The following LDLRAD4 variants were observed in gnomAD, a reference collection of about 807,000 sequenced individuals.
LDLRAD4 encodes low density lipoprotein receptor class A domain containing 4, also known as low-density lipoprotein receptor class A domain-containing protein 4.
A neutral mutation model predicts 17.0 loss-of-function variants in LDLRAD4; 5 were observed. The observed-to-expected ratio is 0.29, with a 90% CI of 0.15 to 0.62. The LOEUF (loss-of-function observed/expected upper bound fraction) is 0.62, where lower values mean the gene tolerates loss of function less well. Among genes scored for constraint, LDLRAD4 ranks in the 20% least tolerant of loss-of-function variants. The probability of loss-of-function intolerance (pLI) is 0.84; values close to 1 mark genes in which losing one functional copy is unlikely to be tolerated. For synonymous variants in LDLRAD4, 168 were observed against 171.8 expected (o/e 0.98, Z 0.17); for missense variants, 340 against 424.7 (o/e 0.80, Z 1.75).
chr18:13,439,669 G>A (rs28718549), intron 3 of LDLRAD4, among the ~76,000 whole-genome samples: 4 of 152,156 alleles, frequency 2.6e-5, no homozygotes, highest in Non-Finnish European at 4.4e-5. Flanking sequence ...AGGATGGCCC[G>A]GAGGCACTTG....
intron 3 of LDLRAD4, among the ~76,000 whole-genome samples, chr18:13,442,463 T>C (rs2091086755): frequency 6.6e-6 from 1 of 152,118 alleles, no homozygotes; most frequent in Non-Finnish European, 1.5e-5. Context: ...AGGTTGGCAA[T>C]GAGGGTGGCG....
At chr18:13,498,224 CCTT>C (rs1274669116) in intron 3 of LDLRAD4, among the ~76,000 whole-genome samples, 1 of 150,838 alleles carries the variant, frequency 6.6e-6, no homozygotes, top group African/African-American at 2.4e-5. Flanking sequence ...ACTGGAGAAT[CCTT>C]CTCCACACAC....
chr18:13,386,432 G>A (rs1035400344), intron 1 of LDLRAD4, among the ~76,000 whole-genome samples: 1 of 151,560 alleles, frequency 6.6e-6, no homozygotes, highest in African/African-American at 2.4e-5. Context: ...GCAATGGCGC[G>A]ATCTTGGCTC....
intron 3 of LDLRAD4, among the ~76,000 whole-genome samples, chr18:13,508,669 A>G (rs1285485216): frequency 6.6e-6 from 1 of 152,206 alleles, no homozygotes; most frequent in Non-Finnish European, 1.5e-5. Context: ...TTTTTAGCCC[A>G]CTGTTGAGAC....
At chr18:13,462,709 G>T (rs1055946101) in intron 3 of LDLRAD4, among the ~76,000 whole-genome samples, 1 of 152,206 alleles carries the variant, frequency 6.6e-6, no homozygotes, top group Non-Finnish European at 1.5e-5. Context: ...AGTCCAGGAG[G>T]CCAGTGTGGG....
intron 3 of LDLRAD4, among the ~76,000 whole-genome samples, chr18:13,579,147 A>G (rs6505830): frequency 0.82 from 124,294 of 151,804 alleles, 51,072 homozygotes; most frequent in African/African-American, 0.89. Context: ...CCGAGATCGC[A>G]CCACTGTACT....
At chr18:13,325,277 A>T (rs946694334) in intron 1 of LDLRAD4, among the ~76,000 whole-genome samples, 2 of 152,210 alleles carry the variant, frequency 1.3e-5, no homozygotes, top group Admixed American at 1.3e-4. Flanking sequence ...TTTTGAAGTG[A>T]CACTTGCAGT....
chr18:13,295,139 C>T (rs2046201939), intron 1 of LDLRAD4, among the ~76,000 whole-genome samples: 1 of 152,188 alleles, frequency 6.6e-6, no homozygotes, highest in Admixed American at 6.5e-5. Context: ...GCAAATATGG[C>T]AGCAGTAGGG....
At chr18:13,594,297 T>TGGGTTCAACTGTGGGTTCAAC (rs1568383021) in intron 3 of LDLRAD4, among the ~76,000 whole-genome samples, 1 of 152,134 alleles carries the variant, frequency 6.6e-6, no homozygotes. Context: ...TCTGCCACTG[T>TGGGTTCAACTGTGGGTTCAAC]AGGGATTCCA....
At chr18:13,466,774 A>G (rs2092631677) in intron 3 of LDLRAD4, among the ~76,000 whole-genome samples, 1 of 152,164 alleles carries the variant, frequency 6.6e-6, no homozygotes, top group Admixed American at 6.5e-5. Flanking sequence ...GCACCACCAG[A>G]TTCTGTGTCT....
chr18:13,644,833 G>A (rs2042925252), intron 5 of LDLRAD4: 1 of 387,834 alleles, frequency 2.6e-6, no homozygotes, highest in Non-Finnish European at 4.6e-6. Flanking sequence ...AAATGCACAC[G>A]TAGCACGCAC....
chr18:13,347,031 C>G (rs1884296002), intron 1 of LDLRAD4, among the ~76,000 whole-genome samples: 1 of 152,154 alleles, frequency 6.6e-6, no homozygotes, highest in African/African-American at 2.4e-5. Context: ...ATCCAATTTG[C>G]CAGTCTGTGT....
chr18:13,457,694 A>G lies in LDLRAD4; in HGVS notation c.181+19310A>G, dbSNP rs188051719. Reference sequence around the variant, plus strand: ...GAGGAAAGCCTGTAGATAGATCCACATCACGGCACCACCACTTCTCCCCGT... The same window carrying G: ...GAGGAAAGCCTGTAGATAGATCCACGTCACGGCACCACCACTTCTCCCCGT... On this transcript the variant is annotated intron_variant, in intron 3 of 5. Transcript: ENST00000359446. Among the ~76,000 whole-genome samples, 390 of 152,176 alleles carry G rather than the reference A, an allele frequency of 2.6e-3. 2 individuals are homozygous for G. Among genetic ancestry groups the G allele is most frequent in the African/African-American group, 8.7e-3 (362 of 41,542 alleles).
chr18:13,538,410 AT>A (rs1352370626), intron 3 of LDLRAD4, among the ~76,000 whole-genome samples: 1 of 152,062 alleles, frequency 6.6e-6, no homozygotes, highest in Non-Finnish European at 1.5e-5. Context: ...GTTACCCCAT[AT>A]TTTTTTCACC....
chr18:13,581,664 T>A (rs2094860006), intron 3 of LDLRAD4, among the ~76,000 whole-genome samples: 1 of 152,198 alleles, frequency 6.6e-6, no homozygotes, highest in South Asian at 2.1e-4. Context: ...TTCTGTGGTT[T>A]CTATTGGCTC....
At chr18:13,352,408 A>C in intron 1 of LDLRAD4, among the ~76,000 whole-genome samples, 1 of 152,226 alleles carries the variant, frequency 6.6e-6, no homozygotes, top group East Asian at 1.9e-4. Flanking sequence ...CCCTTTCAGC[A>C]GTTTAAATAA....
intron 2 of LDLRAD4, among the ~76,000 whole-genome samples, chr18:13,425,142 G>A (rs1268581871): frequency 6.6e-6 from 1 of 152,176 alleles, no homozygotes; most frequent in Non-Finnish European, 1.5e-5. Flanking sequence ...TCTAGCGATT[G>A]AAGGCAGTAA....
intron 1 of LDLRAD4, among the ~76,000 whole-genome samples, chr18:13,314,288 T>A (rs746397079): frequency 6.6e-6 from 1 of 152,256 alleles, no homozygotes; most frequent in Non-Finnish European, 1.5e-5. Context: ...TTTAGTGGAA[T>A]ATTTTACAAA....
At chr18:13,469,815 G>A (rs536270105) in intron 3 of LDLRAD4, among the ~76,000 whole-genome samples, 1 of 152,320 alleles carries the variant, frequency 6.6e-6, no homozygotes, top group East Asian at 1.9e-4. Context: ...TTGCACAACA[G>A]TGCAAATGTT....
Sources: gnomAD v4.1 joint callset for allele counts (sites outside exome capture counted in the v4.1 genomes callset) on GRCh38, gnomAD v4.1.1 for gene constraint, MANE v1.5 for transcripts, NCBI Gene and HGNC (gene_info 2026-07-23, HGNC 2026-07-21) for gene names.